Variants in DNAH9 observed in about 807,000 individuals in gnomAD.
The protein encoded by DNAH9 is dynein axonemal heavy chain 9.
A neutral mutation model predicts 471.6 loss-of-function variants in DNAH9; 345 were observed. The ratio of observed to expected loss-of-function variants is 0.73; its 90% CI spans 0.67 to 0.80. The LOEUF (loss-of-function observed/expected upper bound fraction) is 0.80. DNAH9 is among the 30% of genes least tolerant of loss of function. The pLI, the probability that DNAH9 is intolerant of heterozygous loss-of-function variation, is 0.00. For missense variants in DNAH9, 5,407 were observed against 5,609.2 expected (o/e 0.96, Z 1.15); for synonymous variants, 2,093 against 2,123.6 (o/e 0.99, Z 0.40).
chr17:11,910,751 AT>A (rs1973768147), intron 61 of DNAH9, among the ~76,000 whole-genome samples: 1 of 152,230 alleles, frequency 6.6e-6, no homozygotes, highest in Non-Finnish European at 1.5e-5. Context: ...CATAGTGGGT[AT>A]GCAGTGGTAG....
chr17:11,822,706 C>T (rs1275559960), intron 47 of DNAH9, 95 bp from the exon 48 acceptor site: 1 of 1,588,172 alleles, frequency 6.3e-7, no homozygotes. Context: ...GCATAAGTTT[C>T]CACATGGTGG....
chr17:11,801,776 G>T (rs544368131), intron 43 of DNAH9, among the ~76,000 whole-genome samples: 1 of 152,262 alleles, frequency 6.6e-6, no homozygotes, highest in Non-Finnish European at 1.5e-5. Flanking sequence ...GTCTGTCATA[G>T]TCTTGGAATT....
intron 61 of DNAH9, among the ~76,000 whole-genome samples, chr17:11,915,393 AC>A (rs1357352106): frequency 6.6e-6 from 1 of 152,112 alleles, no homozygotes; most frequent in Non-Finnish European, 1.5e-5. Flanking sequence ...GCATGGTGGC[AC>A]GCACCTGTAG....
intron 61 of DNAH9, among the ~76,000 whole-genome samples, chr17:11,907,272 AC>A (rs977385285): frequency 2.6e-5 from 4 of 152,102 alleles, no homozygotes; most frequent in Non-Finnish European, 5.9e-5. Flanking sequence ...GGAGTTCGAG[AC>A]TAGCCTGACC....
chr17:11,639,530 T>C (rs1382542271), intron 9 of DNAH9, among the ~76,000 whole-genome samples: 1 of 152,220 alleles, frequency 6.6e-6, no homozygotes, highest in Non-Finnish European at 1.5e-5. Context: ...ATAATCCACA[T>C]GACCTGCCTC....
chr17:11,858,200 C>T (rs756515831), intron 50 of DNAH9, among the ~76,000 whole-genome samples: 1 of 152,028 alleles, frequency 6.6e-6, no homozygotes, highest in African/African-American at 2.4e-5. Context: ...AGGCATTTTC[C>T]GTGAGCATAT....
intron 63 of DNAH9, among the ~76,000 whole-genome samples, chr17:11,930,823 GC>G (rs1024627089): frequency 1.3e-5 from 2 of 151,772 alleles, no homozygotes; most frequent in Non-Finnish European, 2.9e-5. Flanking sequence ...CTGGGCTGGG[GC>G]CCAGGAATCT....
chr17:11,817,071 A>G, intron 45 of DNAH9, among the ~76,000 whole-genome samples: 1 of 146,970 alleles, frequency 6.8e-6, no homozygotes, highest in African/African-American at 2.7e-5. Flanking sequence ...AAAAAATAAT[A>G]ATAATAATGT....
chr17:11,663,702 A>T (rs964109476), intron 14 of DNAH9, among the ~76,000 whole-genome samples: 3 of 152,230 alleles, frequency 2.0e-5, no homozygotes, highest in Non-Finnish European at 4.4e-5. Context: ...AAAGATATAG[A>T]TATTATATTG....
chr17:11,631,368 G>A (rs2073061814), intron 7 of DNAH9, among the ~76,000 whole-genome samples: 1 of 152,192 alleles, frequency 6.6e-6, no homozygotes, highest in Non-Finnish European at 1.5e-5. Flanking sequence ...GGGAATCTTA[G>A]TTGGCCAGAC....
chr17:11,828,240 G>A (rs1400612177), intron 48 of DNAH9, among the ~76,000 whole-genome samples: 5 of 151,918 alleles, frequency 3.3e-5, no homozygotes, highest in African/African-American at 7.3e-5. Context: ...TTGGGAGTCC[G>A]AGGCGGGTGG....
intron 29 of DNAH9, among the ~76,000 whole-genome samples, chr17:11,740,119 T>G (rs2075410703): frequency 6.6e-6 from 1 of 152,246 alleles, no homozygotes; most frequent in South Asian, 2.1e-4. Context: ...GCCAACAAGC[T>G]GTCTAAACGG....
rs2074120653 is a variant in DNAH9 at position 11,680,810 on chromosome 17, C to G, written c.3664C>G (p.Leu1222Val). The G allele has an allele frequency of 1.2e-6, 2 of 1,613,924 alleles. No individual in the cohort carries two copies. The highest frequency in any genetic ancestry group is 8.5e-7 in the Non-Finnish European group (1 of 1,179,910). Residue 1222 changes from leucine to valine, a missense_variant, in exon 19 of 69, where the codon CTC becomes GTC. Physicochemically the swap from Leu to Val is conservative, Grantham distance 32. This residue lies in a region of DNAH9 where 4,636 missense variants were observed against 4,900.3 expected (regional missense o/e 0.95). Transcript: ENST00000262442. Reference protein sequence around the residue: ...VAPLQANEVTLLRQRCTAFDA... With the variant: ...VAPLQANEVTVLRQRCTAFDA... ...CCCACTGCAGGCAAATGAAGTGACA[C>G]TCCTCCGCCAGAGGTGCACAGCCTT...
At chr17:11,899,182 T>TA (rs141389733) in intron 59 of DNAH9, among the ~76,000 whole-genome samples, 56,088 of 120,498 alleles carry the variant, frequency 0.47, 11,120 homozygotes, top group Middle Eastern at 0.62. Flanking sequence ...ACATGATTTT[T>TA]TAAAAAAAAA....
At chr17:11,703,459 A>G (rs2074639443) in intron 24 of DNAH9, among the ~76,000 whole-genome samples, 1 of 152,174 alleles carries the variant, frequency 6.6e-6, no homozygotes, top group African/African-American at 2.4e-5. Context: ...TATTGCAGTA[A>G]ATGTCATCTA....
chr17:11,968,886 A>T (rs574114960), intron 68 of DNAH9, among the ~76,000 whole-genome samples: 5 of 152,326 alleles, frequency 3.3e-5, no homozygotes, highest in African/African-American at 1.2e-4. Context: ...GAAACAGGAC[A>T]TAACAAAAGC....
intron 45 of DNAH9, among the ~76,000 whole-genome samples, chr17:11,811,314 A>G (rs1423491303): frequency 6.6e-6 from 1 of 151,906 alleles, no homozygotes; most frequent in Admixed American, 6.6e-5. Flanking sequence ...CTCCGTCTCA[A>G]TTTAAAAAAA....
intron 41 of DNAH9, among the ~76,000 whole-genome samples, chr17:11,787,088 A>T (rs1968900812): frequency 6.6e-6 from 1 of 152,220 alleles, no homozygotes; most frequent in Admixed American, 6.5e-5. Context: ...ACAGTGTTTA[A>T]CTGATCAAAG....
At chr17:11,719,236 T>C in intron 26 of DNAH9, 98 bp from the exon 27 acceptor site, 9 of 1,280,526 alleles carry the variant, frequency 7.0e-6, no homozygotes, top group Non-Finnish European at 9.8e-6. Context: ...CTTGGCTTTC[T>C]TTTCAGAAGC....
Sources: gnomAD v4.1 joint callset for allele counts (sites outside exome capture counted in the v4.1 genomes callset) on GRCh38, gnomAD v4.1.1 for gene constraint, gnomAD v4.1.1 regional missense constraint, MANE v1.5 for transcripts, NCBI Gene and HGNC (gene_info 2026-07-23, HGNC 2026-07-21) for gene names.